IFNLR1: variants seen among roughly 807,000 people sequenced by gnomAD.
IFNLR1 encodes the protein CRF2-12.
In IFNLR1, 28 loss-of-function variants were observed where a neutral mutation model predicts 52.5. That is an observed-to-expected ratio of 0.53 (90% CI 0.40 to 0.73). The LOEUF is 0.73. IFNLR1 is among the 30% of genes least tolerant of loss of function. The pLI, the probability that IFNLR1 is intolerant of heterozygous loss-of-function variation, is 0.00. For synonymous variants in IFNLR1, 276 were observed against 274.9 expected (o/e 1.00, Z -0.04); for missense variants, 623 against 659.1 (o/e 0.95, Z 0.60).
rs1200749554 is a variant in IFNLR1 at position 24,155,805 on chromosome 1, C to T, written c.*1325G>A. On this transcript the variant is annotated 3_prime_UTR_variant, in exon 7 of 7. Transcript: ENST00000327535. ...CCACAGAGCCAAGGTTGTTCAGATACTCCACCACAAAACACTTCGGTCCTA... is the reference window on the plus strand; with the variant it reads ...CCACAGAGCCAAGGTTGTTCAGATATTCCACCACAAAACACTTCGGTCCTA... 6.6e-6 allele frequency: 1 copy of T among 152,230 alleles called. No individual in the cohort carries two copies. The highest frequency in any genetic ancestry group is 1.9e-4 in the East Asian group (1 of 5,206). 9.4% of individuals were successfully genotyped at this position (152,230 alleles called of 1,614,324 possible).
At chr1:24,163,554 C>T (rs1409105685) in intron 3 of IFNLR1, among the ~76,000 whole-genome samples, 3 of 151,190 alleles carry the variant, frequency 2.0e-5, no homozygotes, top group African/African-American at 7.3e-5. Flanking sequence ...TCCCTCTGTC[C>T]CCCACCCAAA....
At chr1:24,164,783 G>C (rs923429992) in intron 3 of IFNLR1, among the ~76,000 whole-genome samples, 54 of 147,584 alleles carry the variant, frequency 3.7e-4, no homozygotes, top group African/African-American at 1.3e-3. Flanking sequence ...TTTTGAGATG[G>C]AGTCTTGCTC....
chr1:24,157,717 C>T lies in IFNLR1; in HGVS notation c.976G>A (p.Glu326Lys), dbSNP rs746570821. ...GTGTCCTCCTCATCCTCCTCCTCTT[C>T]GTCCTCTGCAAGGTCCTTCTTCCAT... Reference protein sequence around the residue: ...TRWKKDLAEDEEEEDEEDTED... With the variant: ...TRWKKDLAEDKEEEDEEDTED... Residue 326 changes from glutamate to lysine, a missense_variant, in exon 7 of 7, where the codon GAA (glutamate) becomes AAA (lysine). Physicochemically the swap from Glu to Lys is moderately conservative, Grantham distance 56. Transcript: ENST00000327535. This position sits in a 1 kb window ranked among gnomAD's most constrained non-coding sequence, Gnocchi z 5.1. The T allele has an allele frequency of 3.2e-5, 51 of 1,614,042 alleles. No individual in the cohort carries two copies. The highest frequency in any genetic ancestry group is 4.0e-5 in the African/African-American group (3 of 74,940).
intron 2 of IFNLR1, among the ~76,000 whole-genome samples, chr1:24,170,808 T>C (rs1644571462): frequency 6.6e-6 from 1 of 152,070 alleles, no homozygotes; most frequent in African/African-American, 2.4e-5. Context: ...TGCTAACGGA[T>C]TGGATGTAGA....
At chr1:24,171,375 C>A (rs1197248734) in intron 2 of IFNLR1, among the ~76,000 whole-genome samples, 2 of 152,140 alleles carry the variant, frequency 1.3e-5, no homozygotes, top group Non-Finnish European at 2.9e-5. Flanking sequence ...TAACACAAAG[C>A]AATTCTTAAG....
chr1:24,180,672 TCC>T, intron 2 of IFNLR1, 57 bp downstream of exon 2: 3 of 432,142 alleles, frequency 6.9e-6, no homozygotes, highest in Non-Finnish European at 1.3e-5. Context: ...GAGAAGCCCC[TCC>T]AGCCCCCACC....
intron 1 of IFNLR1, among the ~76,000 whole-genome samples, chr1:24,181,168 C>T (rs1352027232): frequency 6.6e-6 from 1 of 152,222 alleles, no homozygotes; most frequent in African/African-American, 2.4e-5. Flanking sequence ...GCCACATCCC[C>T]AGAGCCTGCC....
In IFNLR1 at chr1:24,157,830, T is replaced by C. The variant is rs780083752; in HGVS notation, c.863A>G (p.Asn288Ser). ...TFQPSRPESV[N>S]DLFLCPQKEL... Reference sequence around the variant, plus strand: ...CTTTTGGGGACAGAGGAACAAGTCATTCACGGACTCTGGTCTGCTGGGCTG... The same window carrying C: ...CTTTTGGGGACAGAGGAACAAGTCACTCACGGACTCTGGTCTGCTGGGCTG... The change falls in exon 7 of 7, where the codon AAT becomes AGT. Residue 288 changes from asparagine (N) to serine (S), a missense_variant. Physicochemically the swap from Asn to Ser is conservative, Grantham distance 46. Transcript: ENST00000327535. The surrounding 1 kb of genome is among the most constrained non-coding windows in gnomAD (Gnocchi z 5.1). The C allele has an allele frequency of 6.2e-7, 1 of 1,613,520 alleles. No homozygotes were observed. The highest frequency in any genetic ancestry group is 1.7e-5 in the Admixed American group (1 of 59,874).
Position 24,159,201 on chromosome 1 carries a change from CAAT to C in IFNLR1, c.671-22_671-20del. On this transcript the variant is annotated intron_variant, in intron 5 of 6. Coordinates refer to ENST00000327535, the MANE Select transcript of IFNLR1 (RefSeq NM_170743.4). ...TTGGCTTCTAAGGAAGGAAAAATAA[CAAT>C]GAGAGAAACAACAATGGCTCTTGTC... 3.7e-6 allele frequency: 6 copies of C among 1,613,646 alleles called. No homozygotes were observed. The highest frequency in any genetic ancestry group is 1.7e-5 in the Admixed American group (1 of 59,952).
Position 24,159,506 on chromosome 1 carries a change from G to C in IFNLR1, c.638C>G (p.Ser213Cys). ...TFSVPKYSKF[S>C]KPTCFLLEVP... ...CTCCAGCAAGAAGCAGGTGGGCTTA[G>C]AGAACTTGCTGTATTTCGGGACACT... The change falls in exon 5 of 7, where the codon TCT becomes TGT. Residue 213 changes from serine to cysteine, a missense_variant. Physicochemically the swap from Ser to Cys is moderately radical, Grantham distance 112. Coordinates refer to ENST00000327535, the MANE Select transcript of IFNLR1 (RefSeq NM_170743.4). 1 of 1,614,196 alleles carries C rather than the reference G, an allele frequency of 6.2e-7. No individual in the cohort carries two copies. The highest frequency in any genetic ancestry group is 8.5e-7 in the Non-Finnish European group (1 of 1,180,026).
At chr1:24,171,162 A>T (rs1644574500) in intron 2 of IFNLR1, among the ~76,000 whole-genome samples, 1 of 152,252 alleles carries the variant, frequency 6.6e-6, no homozygotes, top group African/African-American at 2.4e-5. Flanking sequence ...TAAAGCAAAC[A>T]GACAAACTAC....
At chr1:24,181,404 C>T (rs1225206493) in intron 1 of IFNLR1, among the ~76,000 whole-genome samples, 1 of 152,240 alleles carries the variant, frequency 6.6e-6, no homozygotes, top group East Asian at 1.9e-4. Flanking sequence ...CGAGGCATCT[C>T]TCCCTCCCGG....
chr1:24,164,425 G>A (rs888745521), intron 3 of IFNLR1, among the ~76,000 whole-genome samples: 2 of 152,180 alleles, frequency 1.3e-5, no homozygotes, highest in East Asian at 1.9e-4. Context: ...CAAGCTAACA[G>A]TGTTTCTGTG....
At chr1:24,187,087 G>T in intron 1 of IFNLR1, 104 bp downstream of exon 1, 2 of 691,558 alleles carry the variant, frequency 2.9e-6, no homozygotes, top group Non-Finnish European at 4.3e-6. Flanking sequence ...GGCTCGGGTG[G>T]CTGCGGACCC....
intron 2 of IFNLR1, among the ~76,000 whole-genome samples, chr1:24,180,440 C>T (rs1569696357): frequency 6.6e-6 from 1 of 152,294 alleles, no homozygotes; most frequent in East Asian, 1.9e-4. Context: ...TTGAGAATTT[C>T]ATCCTCTGGC....
chr1:24,157,667 G>A lies in IFNLR1; in HGVS notation c.1026C>T (p.Pro342=). 6.2e-7 allele frequency: 1 copy of A among 1,612,280 alleles called. No homozygotes were observed. The change falls in exon 7 of 7, where the codon CCC becomes CCT. Residue 342 remains proline, a synonymous_variant. Coordinates refer to ENST00000327535, the MANE Select transcript of IFNLR1 (RefSeq NM_170743.4). The surrounding 1 kb of genome is among the most constrained non-coding windows in gnomAD (Gnocchi z 5.1). The part of the protein sequence containing the change: ...EDTEDGVSFQ[P]YIEPPSFLGQ... ...CCAGGAAAGAAGGTGGTTCAATGTA[G>A]GGCTGGAAGCTGACGCCATCTTCTG...
intron 2 of IFNLR1, among the ~76,000 whole-genome samples, chr1:24,180,422 C>T (rs1406287835): frequency 1.3e-5 from 2 of 152,186 alleles, no homozygotes; most frequent in Non-Finnish European, 2.9e-5. Context: ...AGCACCTCAT[C>T]CAGCCACTTG....
chr1:24,180,667 G>T, intron 2 of IFNLR1, 64 bp downstream of exon 2: 1 of 1,325,308 alleles, frequency 7.5e-7, no homozygotes, highest in East Asian at 2.4e-5. Flanking sequence ...TCCCAGAGAA[G>T]CCCCTCCAGC....
At position 24,155,336 on chromosome 1, in the gene IFNLR1, T is replaced by C. The variant is rs1644367868; in HGVS notation, c.*1794A>G. 1 of 152,234 alleles carries C rather than the reference T, an allele frequency of 6.6e-6. No homozygotes were observed. The highest frequency in any genetic ancestry group is 1.5e-5 in the Non-Finnish European group (1 of 68,072). The allele number at this position is 152,234 out of a possible 1,614,324, so 9.4% of individuals were successfully genotyped here. Reference sequence around the variant, plus strand: ...AGAGGTTGGCCCGGCTGTGCAGAGATCGAAGCTCTTACCCTTGGGGATGTG... The same window carrying C: ...AGAGGTTGGCCCGGCTGTGCAGAGACCGAAGCTCTTACCCTTGGGGATGTG... On this transcript the variant is annotated 3_prime_UTR_variant, in exon 7 of 7. Coordinates refer to ENST00000327535, the MANE Select transcript of IFNLR1 (RefSeq NM_170743.4).
Sources: allele counts gnomAD v4.1 joint callset (sites outside exome capture counted in the v4.1 genomes callset), GRCh38; gene constraint gnomAD v4.1.1; non-coding constraint Gnocchi (gnomAD v3.1); transcripts MANE v1.5; gene names NCBI Gene and HGNC (gene_info 2026-07-23, HGNC 2026-07-21).